The following TRMT44 variants were observed in gnomAD, a reference collection of about 807,000 sequenced individuals.
TRMT44 encodes the protein probable tRNA (uracil-O(2)-)-methyltransferase.
In TRMT44, 78 loss-of-function variants were observed where a neutral mutation model predicts 77.3. The observed-to-expected ratio is 1.01, with a 90% CI of 0.84 to 1.22. The LOEUF (loss-of-function observed/expected upper bound fraction) is 1.22, where lower values mean the gene tolerates loss of function less well. Ranked by LOEUF, TRMT44 falls within the 50% of genes most tolerant of loss-of-function variation. The pLI, the probability that TRMT44 is intolerant of heterozygous loss-of-function variation, is 0.00. For missense variants in TRMT44, 1,090 were observed against 964.4 expected (o/e 1.13, Z -1.73); for synonymous variants, 391 against 383.3 (o/e 1.02, Z -0.23).
chr4:8,472,382 A>G (rs1046568252), intron 10 of TRMT44, among the ~76,000 whole-genome samples: 2 of 152,192 alleles, frequency 1.3e-5, no homozygotes, highest in Non-Finnish European at 2.9e-5. Flanking sequence ...TGGGCCTCTG[A>G]TGGGTAGGGA....
downstream of TRMT44, among the ~76,000 whole-genome samples, chr4:8,495,418 G>A (rs1445575025): frequency 6.6e-6 from 1 of 152,202 alleles, no homozygotes; most frequent in African/African-American, 2.4e-5. Context: ...AGGGACACTC[G>A]GGTTTTAGTC....
rs1012953897 is a variant in TRMT44 at position 8,446,008 on chromosome 4, A to G, written c.620-468A>G. Among the ~76,000 whole-genome samples, 7 of 152,224 alleles carry G rather than the reference A, an allele frequency of 4.6e-5. No homozygotes were observed. Among genetic ancestry groups the G allele is most frequent in the South Asian group, 2.1e-4 (1 of 4,832 alleles). ...AGGTGACTGTGAAGTCCGTACATGC[A>G]GCAAGGGCTCCACACAACATAAAGC... On this transcript the variant is annotated intron_variant, in intron 1 of 10. Transcript: ENST00000389737. This position sits in a 1 kb window ranked among gnomAD's most constrained non-coding sequence, Gnocchi z 4.3.
downstream of TRMT44, among the ~76,000 whole-genome samples, chr4:8,480,185 T>C (rs1304625349): frequency 1.3e-5 from 2 of 152,130 alleles, no homozygotes; most frequent in Non-Finnish European, 2.9e-5. Context: ...CTGAAGAGCA[T>C]AAGGCGGAAA....
chr4:8,480,494 C>T (rs1727580875), downstream of TRMT44, among the ~76,000 whole-genome samples: 1 of 152,194 alleles, frequency 6.6e-6, no homozygotes, highest in Non-Finnish European at 1.5e-5. Flanking sequence ...AGGCTGCTTC[C>T]CTTTTCCGGT....
downstream of TRMT44, among the ~76,000 whole-genome samples, chr4:8,494,534 A>G (rs139893494): frequency 3.2e-3 from 480 of 152,336 alleles, 3 homozygotes; most frequent in African/African-American, 0.011. Flanking sequence ...TCTCTTAGCT[A>G]CCTGTGACGT....
chr4:8,464,562 C>T (rs1726393623), intron 7 of TRMT44, among the ~76,000 whole-genome samples: 1 of 152,178 alleles, frequency 6.6e-6, no homozygotes, highest in African/African-American at 2.4e-5. Context: ...TGTGCTGCTC[C>T]TCGTTGACGT....
the TRMT44 span, among the ~76,000 whole-genome samples, chr4:8,504,527 T>C: frequency 5.3e-5 from 8 of 152,242 alleles, no homozygotes; most frequent in East Asian, 1.6e-3. This position sits in a 1 kb window ranked among gnomAD's most constrained non-coding sequence, Gnocchi z 5.3. Flanking sequence ...CTGCCATTCC[T>C]TGGGTGTGGA....
At chr4:8,486,345 G>C (rs187582740) in intron 2 of TRMT44, among the ~76,000 whole-genome samples, 2 of 152,344 alleles carry the variant, frequency 1.3e-5, no homozygotes, top group Admixed American at 1.3e-4. Flanking sequence ...TTGTCTCACA[G>C]TGGAGGCAAG....
intron 2 of TRMT44, among the ~76,000 whole-genome samples, chr4:8,481,799 G>A (rs1166902258): frequency 1.3e-5 from 2 of 152,214 alleles, no homozygotes; most frequent in African/African-American, 4.8e-5. Flanking sequence ...AAGGTCTTTA[G>A]GGGACTAGCA....
chr4:8,475,800 C>G lies in TRMT44; in HGVS notation c.2073C>G (p.Asp691Glu). ...TGAATGGGAGAGTTCACATCCGCGACTGGCGAGAGGAGACACTGTGGAAGA... is the reference window on the plus strand; with the variant it reads ...TGAATGGGAGAGTTCACATCCGCGAGTGGCGAGAGGAGACACTGTGGAAGA... Reference protein sequence around the residue: ...QVVNGRVHIRDWREETLWKTK... With the variant: ...QVVNGRVHIREWREETLWKTK... The change falls in exon 11 of 11, where the codon GAC (aspartate) becomes GAG (glutamate). Residue 691 changes from aspartate to glutamate, a missense_variant. Asp to Glu is a conservative substitution (Grantham distance 45). Coordinates refer to ENST00000389737, the MANE Select transcript of TRMT44 (RefSeq NM_152544.3). The G allele has an allele frequency of 6.2e-7, 1 of 1,614,170 alleles. No individual in the cohort carries two copies.
the TRMT44 span, among the ~76,000 whole-genome samples, chr4:8,507,733 GAGTCCAGGAAAAACTTGAGGAGACAC>G: frequency 6.6e-6 from 1 of 152,180 alleles, no homozygotes; most frequent in Non-Finnish European, 1.5e-5. Flanking sequence ...GTACAGACAG[GAGTCCAGGAAAAACTTGAGGAGACAC>G]AGCGTGTTCC....
intron 2 of TRMT44, among the ~76,000 whole-genome samples, chr4:8,483,983 G>C (rs1727720398): frequency 6.6e-6 from 1 of 152,184 alleles, no homozygotes; most frequent in South Asian, 2.1e-4. Flanking sequence ...GAGGGGGCCT[G>C]AATAATCCCT....
downstream of TRMT44, among the ~76,000 whole-genome samples, chr4:8,497,691 G>A (rs1728189424): frequency 6.6e-6 from 1 of 152,198 alleles, no homozygotes; most frequent in Non-Finnish European, 1.5e-5. Flanking sequence ...CTTTGTTCAA[G>A]GCTCAGCTTT....
chr4:8,471,235 T>G, intron 10 of TRMT44, 35 bp downstream of exon 10: 5 of 1,363,250 alleles, frequency 3.7e-6, no homozygotes, highest in Non-Finnish European at 5.1e-6. Context: ...CGTTCTTTCC[T>G]TCTTTTTCCC....
chr4:8,461,878 C>A lies in TRMT44; in HGVS notation c.1204-2107C>A, dbSNP rs1726176769. 6.6e-6 allele frequency among the ~76,000 whole-genome samples: 1 copy of A among 152,152 alleles called. No individual in the cohort carries two copies. Among genetic ancestry groups the A allele is most frequent in the South Asian group, 2.1e-4 (1 of 4,830 alleles). On this transcript the variant is annotated intron_variant, in intron 6 of 10. Transcript: ENST00000389737. This position sits in a 1 kb window ranked among gnomAD's most constrained non-coding sequence, Gnocchi z 4.6. ...CTAGTGAATGATTTCCTTCCAGCTG[C>A]AGTTGAGTGGTTTCCACGAACAGGT...
In TRMT44 at chr4:8,465,563, T is replaced by C. The variant is rs1448016544; in HGVS notation, c.1494+2T>C. On this transcript the variant is annotated splice_donor_variant, in intron 8 of 10. Transcript: ENST00000389737. LOFTEE classifies it high-confidence loss of function. ...CTCAGGATTCCTTCAACCAAAAGAG[T>C]ATGTCTGATTCTCATGTTGTTCTAG... is the stretch of plus-strand genomic sequence containing the variant. The C allele has an allele frequency of 1.2e-6, 2 of 1,609,750 alleles. No individual in the cohort carries two copies. The highest frequency in any genetic ancestry group is 1.1e-5 in the South Asian group (1 of 90,300).
rs918797608 is a variant in TRMT44 at position 8,459,303 on chromosome 4, T to A, written c.1203+4490T>A. Among the ~76,000 whole-genome samples, 8 of 152,332 alleles carry A rather than the reference T, an allele frequency of 5.3e-5. No homozygotes were observed. The East Asian group carries it at 1.5e-3, about 29-fold the overall frequency. ...GCTGTATAGTAATAAAAACTGACAGTCATCCAGTGCTGTGTGTGGATGCCT... is the reference window on the plus strand; with the variant it reads ...GCTGTATAGTAATAAAAACTGACAGACATCCAGTGCTGTGTGTGGATGCCT... On this transcript the variant is annotated intron_variant, in intron 6 of 10. Coordinates refer to ENST00000389737, the MANE Select transcript of TRMT44 (RefSeq NM_152544.3).
intron 2 of TRMT44, among the ~76,000 whole-genome samples, chr4:8,486,690 G>A (rs1727816224): frequency 6.6e-6 from 1 of 152,038 alleles, no homozygotes; most frequent in Admixed American, 6.6e-5. Flanking sequence ...TATCTGATTT[G>A]GGATAAAGAA....
At chr4:8,463,136 C>A (rs1352968761) in intron 6 of TRMT44, among the ~76,000 whole-genome samples, 2 of 152,096 alleles carry the variant, frequency 1.3e-5, no homozygotes, top group Non-Finnish European at 2.9e-5. Context: ...GAATGTCTTC[C>A]CCATTATGAT....
Sources: allele counts gnomAD v4.1 joint callset (sites outside exome capture counted in the v4.1 genomes callset), GRCh38; gene constraint gnomAD v4.1.1; non-coding constraint Gnocchi (gnomAD v3.1); transcripts MANE v1.5; gene names NCBI Gene and HGNC (gene_info 2026-07-23, HGNC 2026-07-21).